STX18: variants seen among roughly 807,000 people sequenced by gnomAD.
STX18 encodes syntaxin 18.
In STX18, 40 loss-of-function variants were observed where a neutral mutation model predicts 50.1. The ratio of observed to expected loss-of-function variants is 0.80; its 90% CI spans 0.62 to 1.04. The LOEUF (loss-of-function observed/expected upper bound fraction) is 1.04, where lower values mean the gene tolerates loss of function less well. Ranked by LOEUF, STX18 falls within the 50% of genes least tolerant of loss-of-function variation. The pLI is 0.00. For missense variants in STX18, 410 were observed against 415.8 expected (o/e 0.99, Z 0.12); for synonymous variants, 158 against 151.8 (o/e 1.04, Z -0.30).
intron 3 of STX18, among the ~76,000 whole-genome samples, chr4:4,459,089 C>CACACACACACAA (rs548510211): frequency 6.7e-6 from 1 of 150,108 alleles, no homozygotes; most frequent in Non-Finnish European, 1.5e-5. Flanking sequence ...CACACACACA[C>CACACACACACAA]AAATTTGTCT....
intron 1 of STX18, among the ~76,000 whole-genome samples, chr4:4,491,723 C>T (rs1205173689): frequency 6.6e-6 from 1 of 152,048 alleles, no homozygotes; most frequent in African/African-American, 2.4e-5. Flanking sequence ...GTGATGCCAC[C>T]TAATTCTAAA....
At chr4:4,423,876 T>G in intron 8 of STX18, 1 of 437,654 alleles carries the variant, frequency 2.3e-6, no homozygotes. Context: ...CCCTTTGCAT[T>G]CTGTGTCACT....
intron 1 of STX18, among the ~76,000 whole-genome samples, chr4:4,526,404 G>C (rs1170935212): frequency 6.6e-6 from 1 of 152,220 alleles, no homozygotes; most frequent in Non-Finnish European, 1.5e-5. Flanking sequence ...TAACTGGATA[G>C]AGGACAGGAA....
At chr4:4,459,344 C>T (rs1727255586) in intron 3 of STX18, 28 bp downstream of exon 3, 7 of 1,546,280 alleles carry the variant, frequency 4.5e-6, no homozygotes, top group Non-Finnish European at 6.3e-6. Flanking sequence ...TTCATGGTTG[C>T]TTGTTTGCAT....
intron 1 of STX18, chr4:4,507,578 C>T (rs909495306): frequency 3.3e-5 from 25 of 761,838 alleles, no homozygotes; most frequent in South Asian, 1.9e-4. Flanking sequence ...CAGCTGTGCA[C>T]GACGCAAGCC....
At chr4:4,457,320 A>G (rs1727132852) in intron 4 of STX18, 63 bp from the exon 5 acceptor site, 21 of 1,574,458 alleles carry the variant, frequency 1.3e-5, no homozygotes, top group Non-Finnish European at 1.7e-5. Context: ...CAAAGCCATC[A>G]TTAAATATAA....
intron 2 of STX18, among the ~76,000 whole-genome samples, chr4:4,468,086 T>A (rs1727707883): frequency 6.6e-6 from 1 of 152,228 alleles, no homozygotes; most frequent in Non-Finnish European, 1.5e-5. Context: ...TCACTGGAAT[T>A]AGACAGGCTA....
chr4:4,420,549 G>C lies in STX18; in HGVS notation c.912+315C>G. The C allele has an allele frequency of 2.4e-6, 1 of 413,134 alleles. No individual in the cohort carries two copies. Among genetic ancestry groups the C allele is most frequent in the Non-Finnish European group, 4.4e-6 (1 of 229,756 alleles). The allele number at this position is 413,134 out of a possible 1,614,324, so 25.6% of individuals were successfully genotyped here. On this transcript the variant is annotated intron_variant, in intron 10 of 10. Coordinates refer to ENST00000306200, the MANE Select transcript of STX18 (RefSeq NM_016930.4). This position sits in a 1 kb window ranked among gnomAD's most constrained non-coding sequence, Gnocchi z 4.3. The stretch of plus-strand genomic sequence containing the variant: ...AGCAGGGGCCAGGCTCTGACCCCTC[G>C]GTGGGGGCCAACGAGCTACCCATGT...
intron 2 of STX18, among the ~76,000 whole-genome samples, chr4:4,463,990 T>G (rs1017216962): frequency 6.6e-6 from 1 of 152,190 alleles, no homozygotes; most frequent in Non-Finnish European, 1.5e-5. Context: ...TATTGGAGAA[T>G]TTATAAGAAG....
At chr4:4,478,968 C>T (rs1271995613) in intron 1 of STX18, 2 of 152,634 alleles carry the variant, frequency 1.3e-5, no homozygotes, top group Non-Finnish European at 2.9e-5. Flanking sequence ...CAGGTAGTTC[C>T]ACTGGACTGG....
chr4:4,479,755 G>T (rs1175579188), intron 1 of STX18, among the ~76,000 whole-genome samples: 3 of 152,122 alleles, frequency 2.0e-5, no homozygotes, highest in Non-Finnish European at 4.4e-5. Context: ...TTATAAAACA[G>T]CAGTATGGTC....
At chr4:4,464,284 T>C (rs958315610) in intron 2 of STX18, among the ~76,000 whole-genome samples, 1 of 152,224 alleles carries the variant, frequency 6.6e-6, no homozygotes, top group Non-Finnish European at 1.5e-5. Context: ...GTACTCCCAC[T>C]GTCTATGGAG....
intron 1 of STX18, among the ~76,000 whole-genome samples, chr4:4,492,229 C>G (rs1728974713): frequency 6.6e-6 from 1 of 151,634 alleles, no homozygotes; most frequent in African/African-American, 2.4e-5. Flanking sequence ...ATAAAATGCT[C>G]TTTATTTAAT....
chr4:4,471,761 T>C (rs2108836231), intron 1 of STX18, 55 bp from the exon 2 acceptor site: 1 of 1,255,052 alleles, frequency 8.0e-7, no homozygotes, highest in Non-Finnish European at 1.1e-6. Context: ...ACTCATGTAA[T>C]GAATTTTAAA....
chr4:4,457,077 T>C (rs1422363341), intron 5 of STX18, 114 bp downstream of exon 5: 2 of 966,970 alleles, frequency 2.1e-6, no homozygotes, highest in African/African-American at 3.3e-5. Flanking sequence ...TATGGCATTT[T>C]GCGAAGAAGT....
intron 1 of STX18, among the ~76,000 whole-genome samples, chr4:4,523,673 C>T (rs1247074847): frequency 1.3e-5 from 2 of 152,190 alleles, no homozygotes; most frequent in Non-Finnish European, 2.9e-5. Context: ...CAGGTCCTTG[C>T]TGTATCTTGA....
rs1447993378 is a variant in STX18, at chr4:4,420,042, C to T, written c.1000G>A (p.Asp334Asn). The T allele has an allele frequency of 3.1e-6, 5 of 1,611,744 alleles. No individual in the cohort carries two copies. The highest frequency in any genetic ancestry group is 3.4e-6 in the Non-Finnish European group (4 of 1,179,000). The part of the protein sequence containing the change: ...SFSLLFLDWY[D>N]S ...GGCCCCCGTGGCCCTGGCTAGCTGTCGTACCAGTCGAGGAAGAGCAAGGAG... is the reference window on the plus strand; with the variant it reads ...GGCCCCCGTGGCCCTGGCTAGCTGTTGTACCAGTCGAGGAAGAGCAAGGAG... The change falls in exon 11 of 11, where the codon GAC becomes AAC. Residue 334 changes from aspartate (D) to asparagine (N), a missense_variant. Transcript: ENST00000306200. This position sits in a 1 kb window ranked among gnomAD's most constrained non-coding sequence, Gnocchi z 4.3.
intron 1 of STX18, chr4:4,476,283 AGAATT>A (rs1268223126): frequency 6.6e-6 from 1 of 152,272 alleles, no homozygotes; most frequent in Non-Finnish European, 1.5e-5. Flanking sequence ...GTTTAAAACA[AGAATT>A]GAACTGTAGA....
At chr4:4,434,686 G>T (rs1459079777) in intron 7 of STX18, 84 bp downstream of exon 7, 4 of 1,072,080 alleles carry the variant, frequency 3.7e-6, no homozygotes, top group Non-Finnish European at 5.5e-6. Flanking sequence ...TAAGGGCAAG[G>T]GCATTGAGGA....
Sources: allele counts gnomAD v4.1 joint callset (sites outside exome capture counted in the v4.1 genomes callset), GRCh38; gene constraint gnomAD v4.1.1; non-coding constraint Gnocchi (gnomAD v3.1); transcripts MANE v1.5; gene names NCBI Gene and HGNC (gene_info 2026-07-23, HGNC 2026-07-21).